Variants in KDM4C observed in about 807,000 individuals in gnomAD.
KDM4C encodes lysine demethylase 4C, also known as lysine-specific demethylase 4C.
KDM4C carries 81 observed loss-of-function variants against 129.3 expected under a neutral mutation model. The ratio of observed to expected loss-of-function variants is 0.63; its 90% CI spans 0.52 to 0.75. The LOEUF (loss-of-function observed/expected upper bound fraction) is 0.75, where lower values mean the gene tolerates loss of function less well. Ranked by LOEUF, KDM4C falls within the 30% of genes least tolerant of loss-of-function variation. The probability of loss-of-function intolerance (pLI) is 0.00; values close to 1 mark genes in which losing one functional copy is unlikely to be tolerated. For synonymous variants in KDM4C, 573 were observed against 456.1 expected, an observed-to-expected ratio of 1.26 and a Z score of -3.26; for missense variants, 1,457 against 1,304.0, an observed-to-expected ratio of 1.12 and a Z score of -1.81.
intron 19 of KDM4C, among the ~76,000 whole-genome samples, chr9:7,131,016 G>A (rs1298685141): frequency 1.3e-5 from 2 of 151,200 alleles, no homozygotes; most frequent in Admixed American, 1.3e-4. Context: ...TGATCCTCCC[G>A]CCTCGGCATC....
At chr9:6,802,641 ATTTTGAGACAGAGTCTCACTCTG>A (rs1829223444) in intron 2 of KDM4C, among the ~76,000 whole-genome samples, 1 of 152,172 alleles carries the variant, frequency 6.6e-6, no homozygotes, top group South Asian at 2.1e-4. Context: ...TTATTTATTT[ATTTTGAGACAGAGTCTCACTCTG>A]TCACTCAGGC....
rs145492733 is a variant in KDM4C at position 6,822,543 on chromosome 9, G to A, written c.435+7798G>A. Among the ~76,000 whole-genome samples, 1,319 of 152,320 alleles carry A rather than the reference G, an allele frequency of 8.7e-3. 12 individuals carry two copies. Among genetic ancestry groups the A allele is most frequent in the African/African-American group, 0.026 (1,089 of 41,564 alleles). ...CATCTTTGGTCCTGAGTAAGTCCTA[G>A]ATGATTCTTTGGAAACAGTACATAC... On this transcript the variant is annotated intron_variant, in intron 4 of 21. Transcript: ENST00000381309.
intron 17 of KDM4C, among the ~76,000 whole-genome samples, chr9:7,062,819 T>C (rs1370309915): frequency 6.6e-6 from 1 of 152,188 alleles, no homozygotes; most frequent in Admixed American, 6.5e-5. Flanking sequence ...GAAGTGACCA[T>C]TGATGTTTTT....
intron 19 of KDM4C, among the ~76,000 whole-genome samples, chr9:7,131,210 G>C (rs1336661488): frequency 6.6e-6 from 1 of 152,012 alleles, no homozygotes; most frequent in African/African-American, 2.4e-5. Flanking sequence ...CCCGTTCCAG[G>C]CTCCTAGTAG....
At chr9:7,100,123 G>A (rs552591313) in intron 17 of KDM4C, among the ~76,000 whole-genome samples, 1 of 152,218 alleles carries the variant, frequency 6.6e-6, no homozygotes, top group South Asian at 2.1e-4. Context: ...CGGTTGTGGC[G>A]TGATGGCTCA....
intron 11 of KDM4C, among the ~76,000 whole-genome samples, chr9:6,987,503 G>T (rs1330648753): frequency 6.6e-6 from 1 of 152,104 alleles, no homozygotes; most frequent in African/African-American, 2.4e-5. Flanking sequence ...CCTGATTAGG[G>T]AATTCAGGTG....
rs150405458 is a variant in KDM4C at position 7,080,230 on chromosome 9, C to G, written c.2425-23455C>G. Among the ~76,000 whole-genome samples, 450 of 152,300 alleles carry G rather than the reference C, an allele frequency of 3.0e-3. 1 individual carries two copies. Among genetic ancestry groups the G allele is most frequent in the Non-Finnish European group, 5.1e-3 (344 of 68,028 alleles). On this transcript the variant is annotated intron_variant, in intron 17 of 21. Transcript: ENST00000381309. ...TGAAATATATTACTCTCAGGTTTGG[C>G]TCCTAAATAACCCCCATGTATTCTC...
intron 17 of KDM4C, among the ~76,000 whole-genome samples, chr9:7,078,228 G>T (rs1228377735): frequency 6.6e-6 from 1 of 152,110 alleles, no homozygotes; most frequent in South Asian, 2.1e-4. Flanking sequence ...CAGCTTTTCT[G>T]TAGGAACTTT....
chr9:7,109,196 A>G (rs774074206), intron 18 of KDM4C, among the ~76,000 whole-genome samples: 18 of 152,262 alleles, frequency 1.2e-4, no homozygotes, highest in Non-Finnish European at 2.5e-4. Flanking sequence ...CTAAAGATAT[A>G]TTTTTGCTGT....
intron 1 of KDM4C, among the ~76,000 whole-genome samples, chr9:6,730,801 G>A (rs1318424475): frequency 1.3e-5 from 2 of 152,088 alleles, no homozygotes; most frequent in Admixed American, 6.6e-5. Context: ...AAGTGGATTC[G>A]TTACAGCTCC....
At chr9:6,802,073 C>G (rs1829092430) in intron 2 of KDM4C, among the ~76,000 whole-genome samples, 1 of 150,950 alleles carries the variant, frequency 6.6e-6, no homozygotes, top group Non-Finnish European at 1.5e-5. Flanking sequence ...CCATTGCACT[C>G]CAGCCTGGGG....
At chr9:6,883,791 T>G (rs1201315116) in intron 6 of KDM4C, among the ~76,000 whole-genome samples, 3 of 152,130 alleles carry the variant, frequency 2.0e-5, no homozygotes, top group Non-Finnish European at 4.4e-5. Flanking sequence ...CTGGTTAGTT[T>G]AACTCTGACC....
At chr9:6,975,035 C>T (rs1321451523) in intron 8 of KDM4C, 1 of 152,198 alleles carries the variant, frequency 6.6e-6, no homozygotes, top group African/African-American at 2.4e-5. Flanking sequence ...CTTCTTTTTG[C>T]ATAGTTTTTC....
At chr9:6,854,550 A>C (rs566950125) in intron 5 of KDM4C, among the ~76,000 whole-genome samples, 10 of 150,836 alleles carry the variant, frequency 6.6e-5, no homozygotes, top group South Asian at 4.2e-4. Flanking sequence ...AAAAAACAAA[A>C]AAAAAACTAA....
At chr9:6,897,713 A>C (rs898319952) in intron 8 of KDM4C, among the ~76,000 whole-genome samples, 17 of 152,222 alleles carry the variant, frequency 1.1e-4, no homozygotes, top group African/African-American at 3.9e-4. Context: ...GCTTTCAGAA[A>C]GAACAGAGGG....
At chr9:6,884,388 T>C (rs910494054) in intron 6 of KDM4C, among the ~76,000 whole-genome samples, 3 of 152,228 alleles carry the variant, frequency 2.0e-5, no homozygotes, top group Non-Finnish European at 4.4e-5. Context: ...ATTTCATGTG[T>C]AAATCAAATA....
At chr9:6,810,847 G>T (rs1215876671) in intron 3 of KDM4C, among the ~76,000 whole-genome samples, 1 of 151,868 alleles carries the variant, frequency 6.6e-6, no homozygotes, top group African/African-American at 2.4e-5. Flanking sequence ...CCCGAGCCTG[G>T]GTGACAAGAG....
intron 4 of KDM4C, among the ~76,000 whole-genome samples, chr9:6,833,423 A>T (rs1040976837): frequency 3.9e-5 from 6 of 152,168 alleles, no homozygotes; most frequent in African/African-American, 1.4e-4. Context: ...CCCTGATGAT[A>T]TAAAAAGTGT....
chr9:7,090,395 G>A (rs1835660754), intron 17 of KDM4C, among the ~76,000 whole-genome samples: 1 of 152,152 alleles, frequency 6.6e-6, no homozygotes, highest in South Asian at 2.1e-4. Flanking sequence ...AGGCATTCTT[G>A]GAGGGATGGG....
Sources: allele counts gnomAD v4.1 joint callset (sites outside exome capture counted in the v4.1 genomes callset), GRCh38; gene constraint gnomAD v4.1.1; transcripts MANE v1.5; gene names NCBI Gene and HGNC (gene_info 2026-07-23, HGNC 2026-07-21).